ERBB4: variants seen among roughly 807,000 people sequenced by gnomAD.
The protein encoded by ERBB4 is receptor tyrosine-protein kinase erbB-4.
A neutral mutation model predicts 158.0 loss-of-function variants in ERBB4; 42 were observed. The observed-to-expected ratio is 0.27, with a 90% CI of 0.21 to 0.34. The LOEUF (loss-of-function observed/expected upper bound fraction) is 0.34. Ranked by LOEUF, ERBB4 falls within the 10% of genes least tolerant of loss-of-function variation. The pLI, the probability that ERBB4 is intolerant of heterozygous loss-of-function variation, is 1.00. For missense variants in ERBB4, 1,333 were observed against 1,624.1 expected (o/e 0.82, Z 3.08); for synonymous variants, 583 against 558.7 (o/e 1.04, Z -0.61).
intron 2 of ERBB4, among the ~76,000 whole-genome samples, chr2:212,079,869 A>G (rs1396221839): frequency 1.3e-5 from 2 of 152,168 alleles, no homozygotes; most frequent in East Asian, 3.9e-4. Context: ...ATAGATAGAT[A>G]TAAATGGATG....
At chr2:211,714,150 G>A (rs1029291111) in intron 7 of ERBB4, among the ~76,000 whole-genome samples, 4 of 152,134 alleles carry the variant, frequency 2.6e-5, no homozygotes, top group Admixed American at 1.3e-4. Flanking sequence ...ACGAAGAAAC[G>A]AAATAAAATT....
chr2:212,138,355 T>C (rs933979551), intron 1 of ERBB4, among the ~76,000 whole-genome samples: 5 of 152,146 alleles, frequency 3.3e-5, no homozygotes, highest in Admixed American at 3.3e-4. Context: ...ATGGAAGAAA[T>C]ATCATACCTT....
intron 3 of ERBB4, among the ~76,000 whole-genome samples, chr2:211,851,773 A>G (rs1239512896): frequency 6.6e-6 from 1 of 151,942 alleles, no homozygotes; most frequent in Non-Finnish European, 1.5e-5. Flanking sequence ...TATGCATTGA[A>G]TTCTTAGAAT....
intron 16 of ERBB4, chr2:211,657,549 A>T (rs1012631900): frequency 4.3e-5 from 25 of 577,484 alleles, no homozygotes; most frequent in Non-Finnish European, 7.1e-5. Flanking sequence ...ACTAACTGGG[A>T]CTCTTGTATC....
intron 9 of ERBB4, among the ~76,000 whole-genome samples, chr2:211,709,831 C>T (rs2073623785): frequency 6.6e-6 from 1 of 152,126 alleles, no homozygotes; most frequent in Non-Finnish European, 1.5e-5. Context: ...ACTCCAATTT[C>T]AATGAAAGTC....
chr2:211,580,052 C>T (rs917240029), intron 19 of ERBB4, among the ~76,000 whole-genome samples: 14 of 152,174 alleles, frequency 9.2e-5, no homozygotes, highest in South Asian at 2.1e-4. Flanking sequence ...ATACCCACAA[C>T]GGACCCTTAA....
intron 17 of ERBB4, among the ~76,000 whole-genome samples, chr2:211,628,125 CTCTT>C (rs897702186): frequency 5.3e-5 from 8 of 151,436 alleles, no homozygotes; most frequent in South Asian, 2.1e-4. Flanking sequence ...AAGACTCTCT[CTCTT>C]TCTAACATTT....
At chr2:211,686,455 T>C (rs2072567141) in intron 12 of ERBB4, among the ~76,000 whole-genome samples, 1 of 152,204 alleles carries the variant, frequency 6.6e-6, no homozygotes, top group Non-Finnish European at 1.5e-5. Flanking sequence ...ACTCATTTGG[T>C]TATGTTGTAT....
chr2:211,861,025 TATAAATATAATATA>T (rs2078007340), intron 3 of ERBB4, among the ~76,000 whole-genome samples: 1 of 29,160 alleles, frequency 3.4e-5, no homozygotes, highest in Non-Finnish European at 6.7e-5. Flanking sequence ...TTTATATATA[TATAAATATAATATA>T]TTTATATATT....
In ERBB4 at chr2:212,322,077, C is replaced by G. The variant is rs747421413; in HGVS notation, c.83-197174G>C. Among the ~76,000 whole-genome samples the G allele has an allele frequency of 1.3e-5, 2 of 150,218 alleles. 1 individual carries two copies. Among genetic ancestry groups the G allele is most frequent in the Non-Finnish European group, 3.0e-5 (2 of 67,040 alleles). On this transcript the variant is annotated intron_variant, in intron 1 of 27. Transcript: ENST00000342788. ...CTTCTTTCATCTTAGGAGTCATTATCTTATATAACTCTGAACTTTGAAAAT... is the reference window on the plus strand; with the variant it reads ...CTTCTTTCATCTTAGGAGTCATTATGTTATATAACTCTGAACTTTGAAAAT...
At chr2:211,709,274 T>TATATATATACATATATATATATATAC (rs1553615210) in intron 9 of ERBB4, among the ~76,000 whole-genome samples, 6 of 136,532 alleles carry the variant, frequency 4.4e-5, no homozygotes, top group African/African-American at 1.7e-4. Flanking sequence ...TATATATATA[T>TATATATATACATATATATATATATAC]ACATACATAT....
At chr2:212,340,323 A>G (rs4673661) in intron 1 of ERBB4, among the ~76,000 whole-genome samples, 107,111 of 152,016 alleles carry the variant, frequency 0.7, 37,839 homozygotes, top group East Asian at 0.8. Context: ...ATTTTTCCAC[A>G]GACAGAATAG....
At chr2:211,483,039 T>C (rs946862063) in intron 20 of ERBB4, among the ~76,000 whole-genome samples, 2 of 151,394 alleles carry the variant, frequency 1.3e-5, no homozygotes, top group African/African-American at 2.4e-5. Context: ...GCAATAGACA[T>C]AGAAGTTATA....
chr2:212,447,695 C>G (rs6748061), intron 1 of ERBB4, among the ~76,000 whole-genome samples: 1 of 151,970 alleles, frequency 6.6e-6, no homozygotes, highest in African/African-American at 2.4e-5. Flanking sequence ...AATACACATT[C>G]CAGTATGGGC....
At chr2:211,483,844 C>A (rs1415221868) in intron 20 of ERBB4, among the ~76,000 whole-genome samples, 1 of 151,996 alleles carries the variant, frequency 6.6e-6, no homozygotes, top group African/African-American at 2.4e-5. Flanking sequence ...AACCACCGTG[C>A]CCGGCCAAGA....
chr2:212,372,469 G>A lies in ERBB4; in HGVS notation c.82+165980C>T, dbSNP rs529032654. On this transcript the variant is annotated intron_variant, in intron 1 of 27. Coordinates refer to ENST00000342788, the MANE Select transcript of ERBB4 (RefSeq NM_005235.3). ...AAAGCCTGTCTTAAAAAGATGCCTG[G>A]CCAGGCGCGGTGGCTCACACCTGTA... Among the ~76,000 whole-genome samples the A allele has an allele frequency of 2.6e-5, 4 of 152,196 alleles. No homozygotes were observed. The East Asian group carries it at 7.7e-4, about 29-fold the overall frequency.
chr2:211,387,957 G>T lies in ERBB4; in HGVS notation c.3171C>A (p.Thr1057=), dbSNP rs145527662. The change falls in exon 26 of 28, where the codon ACC becomes ACA. Residue 1057 remains threonine (T), a synonymous_variant. Transcript: ENST00000342788. The part of the protein sequence containing the change: ...EIGHSPPPAY[T]PMSGNQFVYR... ...GTGAAATACTTACTCCTGACATGGG[G>T]GTGTAGGCAGGAGGAGGGCTGTGTC... The T allele has an allele frequency of 1.9e-6, 3 of 1,608,768 alleles. No individual in the cohort carries two copies. Among genetic ancestry groups the T allele is most frequent in the East Asian group, 2.2e-5 (1 of 44,854 alleles).
intron 19 of ERBB4, among the ~76,000 whole-genome samples, chr2:211,592,713 A>T (rs961753435): frequency 6.6e-6 from 1 of 152,166 alleles, no homozygotes; most frequent in Non-Finnish European, 1.5e-5. Flanking sequence ...GTGAACTTAA[A>T]ATAGTATAAA....
intron 1 of ERBB4, among the ~76,000 whole-genome samples, chr2:212,167,193 T>C (rs948693709): frequency 6.6e-6 from 1 of 151,980 alleles, no homozygotes; most frequent in Non-Finnish European, 1.5e-5. Flanking sequence ...CATCTACCCA[T>C]CTGACAAAGG....
Sources: allele counts gnomAD v4.1 joint callset (sites outside exome capture counted in the v4.1 genomes callset), GRCh38; gene constraint gnomAD v4.1.1; transcripts MANE v1.5; gene names NCBI Gene and HGNC (gene_info 2026-07-23, HGNC 2026-07-21).